RASGRP1: variants seen among roughly 807,000 people sequenced by gnomAD.
The protein encoded by RASGRP1 is RAS guanyl-releasing protein 1.
In RASGRP1, 37 loss-of-function variants were observed where a neutral mutation model predicts 95.1. That is an observed-to-expected ratio of 0.39 (90% CI 0.30 to 0.51). The LOEUF is 0.51. RASGRP1 is among the 20% of genes least tolerant of loss of function. The pLI, the probability that RASGRP1 is intolerant of heterozygous loss-of-function variation, is 0.80. For missense variants in RASGRP1, 711 were observed against 965.4 expected (o/e 0.74, Z 3.49); for synonymous variants, 325 against 353.4 (o/e 0.92, Z 0.90).
At chr15:38,512,667 C>A (rs1891583262) in intron 7 of RASGRP1, 116 bp downstream of exon 7, 3 of 1,283,084 alleles carry the variant, frequency 2.3e-6, no homozygotes, top group East Asian at 5.0e-5. Context: ...CTCTCCACCC[C>A]CTCGCCATGG....
chr15:38,528,892 T>C (rs1892335216), intron 2 of RASGRP1, among the ~76,000 whole-genome samples: 1 of 152,126 alleles, frequency 6.6e-6, no homozygotes, highest in Admixed American at 6.5e-5. Flanking sequence ...CAGACTTAAC[T>C]CATTCAAACA....
intron 16 of RASGRP1, 124 bp from the exon 17 acceptor site, chr15:38,490,812 T>A: frequency 3.8e-6 from 4 of 1,040,884 alleles, no homozygotes; most frequent in Non-Finnish European, 5.5e-6. Flanking sequence ...ACAACCATTT[T>A]CAAGATAGTT....
intron 2 of RASGRP1, among the ~76,000 whole-genome samples, chr15:38,549,588 C>A (rs967213608): frequency 6.6e-6 from 1 of 152,178 alleles, no homozygotes; most frequent in Non-Finnish European, 1.5e-5. Context: ...TGGATGGCTT[C>A]ATCCCAAACT....
chr15:38,506,019 CTTT>C, intron 9 of RASGRP1, 99 bp from the exon 10 acceptor site: 1 of 911,598 alleles, frequency 1.1e-6, no homozygotes, highest in Non-Finnish European at 1.7e-6. Context: ...GTAGTTTACT[CTTT>C]TAGGTTCTAA....
At chr15:38,548,477 G>A (rs1033800639) in intron 2 of RASGRP1, among the ~76,000 whole-genome samples, 1 of 152,194 alleles carries the variant, frequency 6.6e-6, no homozygotes, top group African/African-American at 2.4e-5. Flanking sequence ...AGAAGGCTGA[G>A]GTGAAAGGAT....
intron 2 of RASGRP1, among the ~76,000 whole-genome samples, chr15:38,555,873 G>GT (rs1180061304): frequency 1.3e-5 from 2 of 152,158 alleles, no homozygotes; most frequent in Non-Finnish European, 2.9e-5. Flanking sequence ...GTGTATGTGT[G>GT]TTGGGGGGGC....
At chr15:38,497,929 T>C (rs577743374) in intron 15 of RASGRP1, among the ~76,000 whole-genome samples, 2 of 152,220 alleles carry the variant, frequency 1.3e-5, no homozygotes, top group Non-Finnish European at 2.9e-5. Flanking sequence ...CCCCCCGCCC[T>C]TCCTTTCTAC....
At chr15:38,515,776 G>A (rs1238836240) in intron 6 of RASGRP1, among the ~76,000 whole-genome samples, 4 of 117,092 alleles carry the variant, frequency 3.4e-5, no homozygotes, top group Non-Finnish European at 5.4e-5. Context: ...CCCCGCCCCC[G>A]CACCCCCCCC....
At chr15:38,519,542 G>C (rs1324545203) in intron 3 of RASGRP1, among the ~76,000 whole-genome samples, 171 bp from the exon 4 acceptor site, 1 of 152,174 alleles carries the variant, frequency 6.6e-6, no homozygotes, top group East Asian at 1.9e-4. Flanking sequence ...GTGTACAGCT[G>C]TATGCATATT....
At chr15:38,556,673 C>T (rs1354296213) in intron 2 of RASGRP1, among the ~76,000 whole-genome samples, 4 of 152,150 alleles carry the variant, frequency 2.6e-5, no homozygotes, top group African/African-American at 9.7e-5. Context: ...CACACTTCGC[C>T]TATGGTTGGT....
At chr15:38,515,344 G>A (rs1194679961) in intron 6 of RASGRP1, among the ~76,000 whole-genome samples, 2 of 152,160 alleles carry the variant, frequency 1.3e-5, no homozygotes. Flanking sequence ...TTAGCACGGA[G>A]GTGAAGACTG....
At chr15:38,554,834 C>T (rs1893490220) in intron 2 of RASGRP1, among the ~76,000 whole-genome samples, 1 of 152,246 alleles carries the variant, frequency 6.6e-6, no homozygotes, top group South Asian at 2.1e-4. Flanking sequence ...CTACTAGCGA[C>T]TGGGAGGTTC....
chr15:38,498,406 A>T (rs557343868), intron 15 of RASGRP1, among the ~76,000 whole-genome samples: 1 of 152,210 alleles, frequency 6.6e-6, no homozygotes, highest in Non-Finnish European at 1.5e-5. Flanking sequence ...GTTAATTTAC[A>T]TTATATATAC....
chr15:38,542,849 GTGTATATATATACACATATA>G (rs1892935563), intron 2 of RASGRP1, among the ~76,000 whole-genome samples: 1 of 117,584 alleles, frequency 8.5e-6, no homozygotes, highest in Admixed American at 9.4e-5. Context: ...ATATATATAT[GTGTATATATATACACATATA>G]TGTGTATATA....
chr15:38,553,115 TG>T (rs1186292202), intron 2 of RASGRP1, among the ~76,000 whole-genome samples: 1 of 152,178 alleles, frequency 6.6e-6, no homozygotes, highest in Non-Finnish European at 1.5e-5. Flanking sequence ...CCCAGGAAGC[TG>T]GCTCTGCTTA....
intron 7 of RASGRP1, 52 bp from the exon 8 acceptor site, chr15:38,511,772 T>C (rs1474794441): frequency 2.8e-6 from 4 of 1,428,350 alleles, no homozygotes; most frequent in South Asian, 1.2e-5. Context: ...GTCAGTTATA[T>C]GGGGAGCTTA....
intron 2 of RASGRP1, among the ~76,000 whole-genome samples, chr15:38,529,169 C>T (rs1338052432): frequency 6.6e-6 from 1 of 152,164 alleles, no homozygotes; most frequent in African/African-American, 2.4e-5. Flanking sequence ...CTCCTTGCTT[C>T]CACTCTTGTC....
In RASGRP1 at chr15:38,564,786, C is replaced by T. The variant is rs993418296; in HGVS notation, c.-158G>A. On this transcript the variant is annotated 5_prime_UTR_variant, in exon 1 of 17. Coordinates refer to ENST00000310803, the MANE Select transcript of RASGRP1 (RefSeq NM_005739.4). The stretch of plus-strand genomic sequence containing the variant: ...GAGCCCGGCGAGCCCGACCGAGGTG[C>T]ACCGCAGGCACAAACTTTGTGCGAG... 1 of 474,880 alleles carries T rather than the reference C, an allele frequency of 2.1e-6. No individual in the cohort carries two copies. Among genetic ancestry groups the T allele is most frequent in the Middle Eastern group, 7.8e-4 (1 of 1,284 alleles). 29.4% of individuals were successfully genotyped at this position (474,880 alleles called of 1,614,324 possible). A position where few individuals can be genotyped will look rare whatever the true frequency, so the allele number is the denominator to read the frequency against.
At chr15:38,551,969 T>C (rs556113433) in intron 2 of RASGRP1, among the ~76,000 whole-genome samples, 4 of 152,180 alleles carry the variant, frequency 2.6e-5, no homozygotes, top group Non-Finnish European at 5.9e-5. Context: ...ATTAAGCAGA[T>C]GGAATCAGAA....
Sources: allele counts gnomAD v4.1 joint callset (sites outside exome capture counted in the v4.1 genomes callset), GRCh38; gene constraint gnomAD v4.1.1; transcripts MANE v1.5; gene names NCBI Gene and HGNC (gene_info 2026-07-23, HGNC 2026-07-21).